Variants in B4GALNT2 observed in about 807,000 individuals in gnomAD.
The protein encoded by B4GALNT2 is N-acetylneuraminylgalactosylglucosyl-glucoside beta-1,4-N- acetylgalactosaminyltransferase 2.
B4GALNT2 carries 42 observed loss-of-function variants against 51.1 expected under a neutral mutation model. That is an observed-to-expected ratio of 0.82 (90% confidence interval 0.64 to 1.06). B4GALNT2 has a LOEUF of 1.06. B4GALNT2 is among the 50% of genes least tolerant of loss of function. B4GALNT2 has a pLI of 0.00. For synonymous variants in B4GALNT2, 253 were observed against 251.7 expected (o/e 1.01, Z -0.05); for missense variants, 602 against 633.6 (o/e 0.95, Z 0.54).
chr17:49,173,705 C>T lies in B4GALNT2; in HGVS notation c.*3977C>T, dbSNP rs891830969. ...GTTCTCCCATTTCCTATCATAGTAG[C>T]GATTTGATCCAAATAAGGAGTTAGA... On this transcript the variant is annotated 3_prime_UTR_variant, in exon 11 of 11. Coordinates refer to ENST00000393354, the MANE Select transcript of B4GALNT2 (RefSeq NM_001159387.2). 5 of 151,984 alleles carry T rather than the reference C, an allele frequency of 3.3e-5. No individual in the cohort carries two copies. Among genetic ancestry groups the T allele is most frequent in the Non-Finnish European group, 7.4e-5 (5 of 68,008 alleles). 9.4% of individuals were successfully genotyped at this position (151,984 alleles called of 1,614,324 possible). A position where few individuals can be genotyped will look rare whatever the true frequency, so the allele number is the denominator to read the frequency against.
At chr17:49,120,656 C>A in the B4GALNT2 span, among the ~76,000 whole-genome samples, 2 of 151,992 alleles carry the variant, frequency 1.3e-5, no homozygotes, top group Non-Finnish European at 2.9e-5. Context: ...CAGGCATGCA[C>A]CACCATGCCT....
rs957565391 is a variant in B4GALNT2, at chr17:49,172,680, T to C, written c.*2952T>C. ...TTAATATTCCATATAGAGAAAAATG[T>C]AGCTAGAGCTTGGCTAGTACAGCCT... is the stretch of plus-strand genomic sequence containing the variant. On this transcript the variant is annotated 3_prime_UTR_variant, in exon 11 of 11. Coordinates refer to ENST00000393354, the MANE Select transcript of B4GALNT2 (RefSeq NM_001159387.2). 4.6e-5 allele frequency: 7 copies of C among 153,082 alleles called. No individual in the cohort carries two copies. The highest frequency in any genetic ancestry group is 1.0e-4 in the Non-Finnish European group (7 of 68,024). The allele number at this position is 153,082 out of a possible 1,614,324, so 9.5% of individuals were successfully genotyped here. A position where few individuals can be genotyped will look rare whatever the true frequency, so the allele number is the denominator to read the frequency against.
chr17:49,158,944 T>C (rs2042836412), intron 5 of B4GALNT2, 93 bp from the exon 6 acceptor site: 1 of 1,423,574 alleles, frequency 7.0e-7, no homozygotes, highest in South Asian at 1.3e-5. Context: ...TTATGTGCTC[T>C]GCCCTGGCTC....
chr17:49,164,774 G>A (rs951262574), intron 8 of B4GALNT2, among the ~76,000 whole-genome samples: 4 of 150,120 alleles, frequency 2.7e-5, no homozygotes, highest in Non-Finnish European at 4.4e-5. Context: ...GTTTACAGAT[G>A]TGAGCCATCA....
upstream of B4GALNT2, among the ~76,000 whole-genome samples, chr17:49,129,252 C>T (rs1463786491): frequency 6.6e-6 from 1 of 151,984 alleles, no homozygotes; most frequent in African/African-American, 2.4e-5. Context: ...AAGCGAAATA[C>T]CTGATACCCA....
intron 7 of B4GALNT2, among the ~76,000 whole-genome samples, chr17:49,163,030 C>T (rs985066724): frequency 6.6e-6 from 1 of 151,506 alleles, no homozygotes; most frequent in Admixed American, 6.6e-5. Flanking sequence ...TCTGTGCACT[C>T]ACCCACAAAC....
Position 49,168,905 on chromosome 17 carries a change from G to C in B4GALNT2, c.1315+5G>C. 6.2e-7 allele frequency: 1 copy of C among 1,610,916 alleles called. No individual in the cohort carries two copies. Among genetic ancestry groups the C allele is most frequent in the African/African-American group, 1.3e-5 (1 of 74,954 alleles). On this transcript the variant is annotated splice_donor_5th_base_variant and intron_variant, in intron 10 of 10. Transcript: ENST00000393354. ...TGCAACGAGTGGCTCACTCAGGTGG[G>C]AAGGCTGAAAGAGTGAGGGAGGGAG...
At chr17:49,122,234 C>T in the B4GALNT2 span, among the ~76,000 whole-genome samples, 38 of 152,252 alleles carry the variant, frequency 2.5e-4, no homozygotes, top group Admixed American at 3.3e-4. Context: ...TGGATTTAGG[C>T]GGCTTTTGAT....
intron 4 of B4GALNT2, among the ~76,000 whole-genome samples, chr17:49,156,197 A>G (rs1300036255): frequency 2.0e-5 from 3 of 151,810 alleles, no homozygotes; most frequent in African/African-American, 7.3e-5. Flanking sequence ...CCTGGCAACC[A>G]CCGTTCTGCT....
At chr17:49,165,260 T>A (rs1362895252) in intron 8 of B4GALNT2, among the ~76,000 whole-genome samples, 5 of 151,568 alleles carry the variant, frequency 3.3e-5, no homozygotes, top group Non-Finnish European at 7.4e-5. Flanking sequence ...CTCTCTCTCC[T>A]CTTTCCCTCT....
chr17:49,128,532 T>C (rs1195208355), upstream of B4GALNT2, among the ~76,000 whole-genome samples: 1 of 152,048 alleles, frequency 6.6e-6, no homozygotes, highest in Non-Finnish European at 1.5e-5. Context: ...AAGGATTTCA[T>C]GAAGGGTGCA....
upstream of B4GALNT2, among the ~76,000 whole-genome samples, chr17:49,131,877 AATCC>A: frequency 6.6e-6 from 1 of 152,256 alleles, no homozygotes; most frequent in East Asian, 1.9e-4. Context: ...TCACACCCGT[AATCC>A]TAGCACTTTG....
chr17:49,168,610 G>C, intron 9 of B4GALNT2, 71 bp from the exon 10 acceptor site: 1 of 1,401,410 alleles, frequency 7.1e-7, no homozygotes, highest in Non-Finnish European at 9.9e-7. Flanking sequence ...GCAGTCCAGC[G>C]AGTCTTCCTG....
rs192422835 is a variant in B4GALNT2, at chr17:49,151,865, T to C, written c.354-935T>C. Reference sequence around the variant, plus strand: ...ATACACTTTCTTGTGATTTAGTTTATTTATTATTTCAGCGGTAGGAGAAGT... The same window carrying C: ...ATACACTTTCTTGTGATTTAGTTTACTTATTATTTCAGCGGTAGGAGAAGT... On this transcript the variant is annotated intron_variant, in intron 3 of 10. Transcript: ENST00000393354. Among the ~76,000 whole-genome samples the C allele has an allele frequency of 5.6e-4, 86 of 152,358 alleles. 1 individual carries two copies. The highest frequency in any genetic ancestry group is 1.9e-3 in the African/African-American group (80 of 41,578).
rs1340859182 is a variant in B4GALNT2, at chr17:49,176,162, AC to A, written c.*6437del. 2 of 151,998 alleles carry A rather than the reference AC, an allele frequency of 1.3e-5. No homozygotes were observed. The highest frequency in any genetic ancestry group is 4.8e-5 in the African/African-American group (2 of 41,364). 9.4% of individuals were successfully genotyped at this position (151,998 alleles called of 1,614,324 possible). On this transcript the variant is annotated 3_prime_UTR_variant, in exon 11 of 11. Transcript: ENST00000393354. ...ACATTCTCCAACCATCACTCCAGCG[AC>A]CCTTCAACTGGGGTTCAAGCCCCAC... is the stretch of plus-strand genomic sequence containing the variant.
the B4GALNT2 span, among the ~76,000 whole-genome samples, chr17:49,125,722 G>T: frequency 7.2e-6 from 1 of 139,108 alleles, no homozygotes; most frequent in Admixed American, 7.0e-5. Flanking sequence ...CCCCCGCCGG[G>T]CCGGCCGCCC....
intron 3 of B4GALNT2, among the ~76,000 whole-genome samples, chr17:49,145,301 G>C (rs2091041): frequency 0.25 from 38,378 of 151,918 alleles, 5,353 homozygotes; most frequent in East Asian, 0.44. Context: ...GACCAGAAAC[G>C]CACCAATCCC....
Position 49,171,329 on chromosome 17 carries a change from T to C in B4GALNT2, c.*1601T>C. The C allele has an allele frequency of 1.3e-5, 5 of 394,774 alleles. No individual in the cohort carries two copies. The highest frequency in any genetic ancestry group is 8.5e-4 in the Middle Eastern group (1 of 1,182). The allele number at this position is 394,774 out of a possible 1,614,324, so 24.5% of individuals were successfully genotyped here. On this transcript the variant is annotated 3_prime_UTR_variant, in exon 11 of 11. Transcript: ENST00000393354. ...TTCCAAGTGTCTTTATCCACTTTAA[T>C]GGGTTAATATCTGCTAATCTGTCTG...
At chr17:49,139,577 T>G (rs1002981967) in intron 1 of B4GALNT2, among the ~76,000 whole-genome samples, 2 of 152,206 alleles carry the variant, frequency 1.3e-5, no homozygotes, top group African/African-American at 4.8e-5. Context: ...AATGCAGTAG[T>G]GCGATCATAG....
Sources: allele counts gnomAD v4.1 joint callset (sites outside exome capture counted in the v4.1 genomes callset), GRCh38; gene constraint gnomAD v4.1.1; transcripts MANE v1.5; gene names NCBI Gene and HGNC (gene_info 2026-07-23, HGNC 2026-07-21).